STK32C: variants seen among roughly 807,000 people sequenced by gnomAD.
STK32C encodes serine/threonine kinase 32C.
A neutral mutation model predicts 56.5 loss-of-function variants in STK32C; 31 were observed. The ratio of observed to expected loss-of-function variants is 0.55; its 90% CI spans 0.41 to 0.74. The LOEUF (loss-of-function observed/expected upper bound fraction) is 0.74, where lower values mean the gene tolerates loss of function less well. Ranked by LOEUF, STK32C falls within the 30% of genes least tolerant of loss-of-function variation. STK32C has a pLI of 0.00. For synonymous variants in STK32C, 309 were observed against 289.4 expected, an observed-to-expected ratio of 1.07 and a Z score of -0.69; for missense variants, 544 against 676.9, an observed-to-expected ratio of 0.80 and a Z score of 2.18.
intron 2 of STK32C, among the ~76,000 whole-genome samples, chr10:132,232,194 G>T (rs953061480): frequency 9.1e-4 from 68 of 75,002 alleles, no homozygotes; most frequent in Middle Eastern, 7.0e-3. Flanking sequence ...CAGGCCAGCA[G>T]GTGGGGAGCC....
At chr10:132,324,797 T>C (rs1483765107) in intron 1 of STK32C, among the ~76,000 whole-genome samples, 1 of 152,186 alleles carries the variant, frequency 6.6e-6, no homozygotes, top group Non-Finnish European at 1.5e-5. Flanking sequence ...TTATACATTT[T>C]AGGGGAACAT....
downstream of STK32C, among the ~76,000 whole-genome samples, chr10:132,321,627 C>T (rs375036230): frequency 3.7e-4 from 56 of 152,212 alleles, no homozygotes; most frequent in East Asian, 4.6e-3. Flanking sequence ...TTCAGGAGTT[C>T]GAGACCAGCC....
chr10:132,238,796 T>C (rs555694228), intron 2 of STK32C, among the ~76,000 whole-genome samples: 15 of 151,880 alleles, frequency 9.9e-5, no homozygotes, highest in Non-Finnish European at 1.8e-4. Flanking sequence ...CACACACACA[T>C]ACCACATACA....
chr10:132,280,866 C>A (rs1325645113), intron 1 of STK32C, among the ~76,000 whole-genome samples: 1 of 148,280 alleles, frequency 6.7e-6, no homozygotes, highest in Non-Finnish European at 1.5e-5. Flanking sequence ...GGCCTCCATG[C>A]CGTGACCACG....
At chr10:132,235,975 C>A (rs891970483) in intron 2 of STK32C, among the ~76,000 whole-genome samples, 1 of 152,210 alleles carries the variant, frequency 6.6e-6, no homozygotes, top group African/African-American at 2.4e-5. Flanking sequence ...ACCGAGGGCA[C>A]AGCGGGAGGT....
Position 132,207,742 on chromosome 10 carries a change from G to A in STK32C, c.*268C>T. 2.9e-6 allele frequency: 1 copy of A among 349,344 alleles called. No homozygotes were observed. The highest frequency in any genetic ancestry group is 5.1e-6 in the Non-Finnish European group (1 of 197,342). The allele number at this position is 349,344 out of a possible 1,614,324, so 21.6% of individuals were successfully genotyped here. On this transcript the variant is annotated 3_prime_UTR_variant, in exon 12 of 12. Coordinates refer to ENST00000298630, the MANE Select transcript of STK32C (RefSeq NM_173575.4). The stretch of plus-strand genomic sequence containing the variant: ...CATCCATGGCCCCAGCTCCCCGTGA[G>A]CGGTAAGAGGGCGCCCAGCAGCGCT...
chr10:132,266,541 T>C (rs2064535872), intron 1 of STK32C, among the ~76,000 whole-genome samples: 1 of 152,180 alleles, frequency 6.6e-6, no homozygotes, highest in Non-Finnish European at 1.5e-5. Context: ...GCATCTTATC[T>C]GAATTTCAGG....
intron 1 of STK32C, among the ~76,000 whole-genome samples, chr10:132,256,569 A>C (rs979932140): frequency 6.6e-6 from 1 of 152,212 alleles, no homozygotes; most frequent in Non-Finnish European, 1.5e-5. Flanking sequence ...CTGAGACCGC[A>C]GGAGTCGCCC....
At chr10:132,274,166 A>G (rs577949577) in intron 1 of STK32C, among the ~76,000 whole-genome samples, 1 of 152,364 alleles carries the variant, frequency 6.6e-6, no homozygotes, top group Non-Finnish European at 1.5e-5. Flanking sequence ...GGGACCAGAC[A>G]GCAAGCACCA....
intron 3 of STK32C, among the ~76,000 whole-genome samples, chr10:132,227,419 T>C (rs1359488295): frequency 2.0e-5 from 3 of 152,030 alleles, no homozygotes; most frequent in Non-Finnish European, 4.4e-5. Context: ...ACGATGGCAG[T>C]GATGGTGGTG....
intron 1 of STK32C, among the ~76,000 whole-genome samples, chr10:132,290,666 G>T (rs1464399184): frequency 6.6e-6 from 1 of 152,216 alleles, no homozygotes; most frequent in African/African-American, 2.4e-5. Flanking sequence ...TGTCCAGCAT[G>T]CTGTGTCCTG....
intron 7 of STK32C, among the ~76,000 whole-genome samples, chr10:132,224,839 G>GT (rs1345660500): frequency 2.0e-5 from 3 of 152,152 alleles, no homozygotes; most frequent in Non-Finnish European, 4.4e-5. Context: ...GGGCTGAGGG[G>GT]TACGGTCCAC....
chr10:132,207,790 G>T lies in STK32C; in HGVS notation c.*220C>A. 1.9e-6 allele frequency: 1 copy of T among 515,792 alleles called. No individual in the cohort carries two copies. The highest frequency in any genetic ancestry group is 4.5e-5 in the Admixed American group (1 of 22,428). The allele number at this position is 515,792 out of a possible 1,614,324, so 32.0% of individuals were successfully genotyped here. On this transcript the variant is annotated 3_prime_UTR_variant, in exon 12 of 12. Coordinates refer to ENST00000298630, the MANE Select transcript of STK32C (RefSeq NM_173575.4). ...GCTTCCTCCATCTAGGCGGGTCTCG[G>T]GGGCCCACGGGAAATGCCCTCCACA...
intron 1 of STK32C, among the ~76,000 whole-genome samples, chr10:132,295,722 A>C (rs1018076611): frequency 3.9e-5 from 6 of 152,180 alleles, no homozygotes; most frequent in Non-Finnish European, 8.8e-5. Flanking sequence ...TGTCTCGACT[A>C]AAAATACAAA....
chr10:132,208,127 C>A lies in STK32C; in HGVS notation c.1344G>T (p.Pro448=). Reference sequence around the variant, plus strand: ...ACTCAGGGGCGGGGAGAGGCTCCCTCGGGAGGTCCTGGCTCCTCTTCAGCC... The same window carrying A: ...ACTCAGGGGCGGGGAGAGGCTCCCTAGGGAGGTCCTGGCTCCTCTTCAGCC... ...REKLKRSQDL[P]REPLPAPESR... Residue 448 remains proline (P), a synonymous_variant, in exon 12 of 12, where the codon CCG becomes CCT. Transcript: ENST00000298630. The A allele has an allele frequency of 1.5e-6, 2 of 1,310,656 alleles. No homozygotes were observed. Among genetic ancestry groups the A allele is most frequent in the Non-Finnish European group, 2.0e-6 (2 of 1,021,340 alleles). 81.2% of individuals were successfully genotyped at this position (1,310,656 alleles called of 1,614,324 possible).
chr10:132,297,109 T>G (rs1246815247), intron 1 of STK32C, among the ~76,000 whole-genome samples: 2 of 152,174 alleles, frequency 1.3e-5, no homozygotes, highest in Admixed American at 6.5e-5. Context: ...TCTGGGCGGG[T>G]GACAGTCACG....
chr10:132,327,939 A>G (rs1237212968), intron 1 of STK32C, among the ~76,000 whole-genome samples: 1 of 152,018 alleles, frequency 6.6e-6, no homozygotes, highest in Non-Finnish European at 1.5e-5. Flanking sequence ...GTCCCTGAAG[A>G]GTGAGGGGGC....
chr10:132,297,494 T>C (rs2065787729), intron 1 of STK32C, among the ~76,000 whole-genome samples: 1 of 152,232 alleles, frequency 6.6e-6, no homozygotes, highest in Non-Finnish European at 1.5e-5. Context: ...GGTCCAATGC[T>C]TTCTTCAGAA....
intron 3 of STK32C, 81 bp from the exon 4 acceptor site, chr10:132,227,049 C>G: frequency 1.4e-5 from 21 of 1,500,352 alleles, no homozygotes; most frequent in Admixed American, 1.9e-5. Flanking sequence ...CACACTCCCC[C>G]TAAGGACCAC....
Sources: allele counts gnomAD v4.1 joint callset (sites outside exome capture counted in the v4.1 genomes callset), GRCh38; gene constraint gnomAD v4.1.1; transcripts MANE v1.5; gene names NCBI Gene and HGNC (gene_info 2026-07-23, HGNC 2026-07-21).